DOCK4: variants seen among roughly 807,000 people sequenced by gnomAD.
DOCK4 encodes the protein dedicator of cytokinesis 4.
A neutral mutation model predicts 268.1 loss-of-function variants in DOCK4; 97 were observed. That is an observed-to-expected ratio of 0.36 (90% confidence interval 0.31 to 0.43). The LOEUF (loss-of-function observed/expected upper bound fraction) is 0.43, where lower values mean the gene tolerates loss of function less well. Ranked by LOEUF, DOCK4 falls within the 20% of genes least tolerant of loss-of-function variation. The pLI is 1.00. For synonymous variants in DOCK4, 954 were observed against 887.2 expected (o/e 1.08, Z -1.34); for missense variants, 2,145 against 2,455.7 (o/e 0.87, Z 2.67).
chr7:111,927,769 C>T (rs557687174), intron 12 of DOCK4, among the ~76,000 whole-genome samples: 4 of 152,260 alleles, frequency 2.6e-5, no homozygotes, highest in African/African-American at 9.6e-5. Context: ...GGGTTCAGGA[C>T]ACATTACCCT....
chr7:111,932,830 C>T (rs1468321936), intron 12 of DOCK4, among the ~76,000 whole-genome samples: 2 of 151,990 alleles, frequency 1.3e-5, no homozygotes, highest in Non-Finnish European at 2.9e-5. Flanking sequence ...CAACATATGG[C>T]TGCTGCCTCC....
chr7:111,867,163 G>A (rs551010676), intron 22 of DOCK4, among the ~76,000 whole-genome samples: 166 of 152,180 alleles, frequency 1.1e-3, no homozygotes, highest in Non-Finnish European at 2.0e-3. Context: ...GTGCATTCCC[G>A]GTGTTTTGCT....
intron 17 of DOCK4, among the ~76,000 whole-genome samples, chr7:111,874,294 T>C (rs1806662202): frequency 6.6e-6 from 1 of 152,140 alleles, no homozygotes; most frequent in South Asian, 2.1e-4. Flanking sequence ...ATCAGGACCC[T>C]GCTCAATGTG....
At chr7:111,960,185 G>A (rs1238992827) in intron 8 of DOCK4, among the ~76,000 whole-genome samples, 2 of 151,812 alleles carry the variant, frequency 1.3e-5, no homozygotes, top group Admixed American at 1.3e-4. Flanking sequence ...CTAACACAGT[G>A]AAACCCCGTC....
chr7:112,147,175 G>A (rs1815590785), intron 1 of DOCK4, among the ~76,000 whole-genome samples: 2 of 152,110 alleles, frequency 1.3e-5, no homozygotes, highest in South Asian at 4.1e-4. Context: ...CCTTCAATCT[G>A]AATTCAGCAT....
chr7:111,905,303 C>A (rs1046102619), intron 13 of DOCK4, among the ~76,000 whole-genome samples: 2 of 152,174 alleles, frequency 1.3e-5, no homozygotes, highest in Admixed American at 6.5e-5. Context: ...ATTTCCCTGA[C>A]AATGTTTATT....
At chr7:111,926,106 G>A (rs1394769378) in intron 12 of DOCK4, among the ~76,000 whole-genome samples, 1 of 132,214 alleles carries the variant, frequency 7.6e-6, no homozygotes, top group Non-Finnish European at 1.6e-5. Context: ...GAAAGAGAGA[G>A]AGAGAGAAAG....
At chr7:111,792,016 T>C (rs1000030397) in intron 30 of DOCK4, among the ~76,000 whole-genome samples, 3 of 152,152 alleles carry the variant, frequency 2.0e-5, no homozygotes, top group Admixed American at 2.0e-4. Context: ...TGCTAAAAGG[T>C]ATGGTATTGA....
chr7:111,935,809 G>T (rs577656373), intron 11 of DOCK4, among the ~76,000 whole-genome samples, 181 bp from the exon 12 acceptor site: 1 of 152,158 alleles, frequency 6.6e-6, no homozygotes, highest in Non-Finnish European at 1.5e-5. Context: ...AAGAATGTCC[G>T]TATCTGGTAA....
chr7:111,900,432 G>A lies in DOCK4; in HGVS notation c.1422C>T (p.Pro474=), dbSNP rs1433227517. 4.3e-6 allele frequency: 7 copies of A among 1,613,404 alleles called. No individual in the cohort carries two copies. Among genetic ancestry groups the A allele is most frequent in the African/African-American group, 4.0e-5 (3 of 74,920 alleles). Residue 474 remains proline, a synonymous_variant, in exon 15 of 53, where the codon CCC becomes CCT. Transcript: ENST00000428084. ...CACCCCGGAATTTATCCACAGGAAT[G>A]GGAAGTTTCAGCAGTTCAGACCACC... ...SPRWSELLKL[P]IPVDKFRGAH... is the part of the protein sequence containing the mutation.
intron 12 of DOCK4, among the ~76,000 whole-genome samples, chr7:111,929,560 T>G (rs1358815920): frequency 1.3e-5 from 2 of 152,206 alleles, no homozygotes; most frequent in Non-Finnish European, 2.9e-5. Context: ...TCTTATGAAT[T>G]ATACCAACTT....
intron 1 of DOCK4, among the ~76,000 whole-genome samples, chr7:112,046,740 C>G (rs1207055268): frequency 6.6e-6 from 1 of 152,090 alleles, no homozygotes; most frequent in African/African-American, 2.4e-5. Flanking sequence ...GAACATGTTC[C>G]TTGAGAGAGG....
intron 8 of DOCK4, among the ~76,000 whole-genome samples, chr7:111,963,086 G>C (rs572343446): frequency 6.6e-6 from 1 of 152,296 alleles, no homozygotes; most frequent in East Asian, 1.9e-4. Flanking sequence ...AACTTTAACC[G>C]ATGAAGCCCT....
intron 16 of DOCK4, among the ~76,000 whole-genome samples, chr7:111,885,281 A>G (rs1807739645): frequency 6.6e-6 from 1 of 152,302 alleles, no homozygotes; most frequent in East Asian, 1.9e-4. Flanking sequence ...ACCATGGTAA[A>G]ATCCAGCTAT....
At chr7:111,934,712 T>C (rs1048815558) in intron 12 of DOCK4, among the ~76,000 whole-genome samples, 1 of 150,018 alleles carries the variant, frequency 6.7e-6, no homozygotes, top group Non-Finnish European at 1.5e-5. Flanking sequence ...GTATTTTTTT[T>C]TTTTTTTTAG....
chr7:111,765,211 G>A lies in DOCK4; in HGVS notation c.3927C>T (p.Ala1309=), dbSNP rs568839417. 4.7e-5 allele frequency: 72 copies of A among 1,546,716 alleles called. No homozygotes were observed. The South Asian group carries it at 8.4e-4, about 18-fold the overall frequency. ...RNLSKMRMME[A]SLYDKIMDQQ... is the part of the protein sequence containing the mutation. ...GGTCCATAATTTTGTCATACAAAGA[G>A]GCTTCCATCATCTAGAAAGCACAGG... Residue 1309 remains alanine, a synonymous_variant, in exon 39 of 53, where the codon GCC becomes GCT. Transcript: ENST00000428084.
intron 17 of DOCK4, among the ~76,000 whole-genome samples, chr7:111,874,375 C>T (rs1806670405): frequency 6.6e-6 from 1 of 152,048 alleles, no homozygotes; most frequent in Non-Finnish European, 1.5e-5. Flanking sequence ...AGGACTAGGG[C>T]CCATTTAAGT....
At chr7:111,916,044 T>C in intron 12 of DOCK4, 140 bp from the exon 13 acceptor site, 1 of 878,332 alleles carries the variant, frequency 1.1e-6, no homozygotes, top group African/African-American at 1.7e-5. Context: ...CGACAGAATC[T>C]ATATGAATCA....
chr7:111,872,493 C>A lies in DOCK4; in HGVS notation c.1816G>T (p.Glu606Ter). The change falls in exon 18 of 53, where the codon GAA (glutamate) becomes TAA (stop). Residue 606 changes from glutamate (E) to a stop codon, truncating the protein, a stop_gained. Transcript: ENST00000428084. LOFTEE classifies it high-confidence loss of function. ...TTTACTATCTCTGAGCCATCAATTT[C>A]TTTTAATTTAGAGAGACAGCCAGTG... The part of the protein sequence containing the change: ...KITGCLSKLK[E>*]IDGSEIVKFL... 1 of 1,600,844 alleles carries A rather than the reference C, an allele frequency of 6.2e-7. No individual in the cohort carries two copies. The highest frequency in any genetic ancestry group is 8.5e-7 in the Non-Finnish European group (1 of 1,172,780).
Sources: gnomAD v4.1 joint callset for allele counts (sites outside exome capture counted in the v4.1 genomes callset) on GRCh38, gnomAD v4.1.1 for gene constraint, MANE v1.5 for transcripts, NCBI Gene and HGNC (gene_info 2026-07-23, HGNC 2026-07-21) for gene names.